THAP4: variants seen among roughly 807,000 people sequenced by gnomAD.
THAP4 encodes peroxynitrite isomerase THAP4.
THAP4 carries 18 observed loss-of-function variants against 48.1 expected under a neutral mutation model. That is an observed-to-expected ratio of 0.37 (90% CI 0.26 to 0.56). THAP4 has a LOEUF of 0.56. Ranked by LOEUF, THAP4 falls within the 20% of genes least tolerant of loss-of-function variation. The pLI is 0.78. For synonymous variants in THAP4, 345 were observed against 324.9 expected (o/e 1.06, Z -0.66); for missense variants, 656 against 774.9 (o/e 0.85, Z 1.82).
At chr2:241,609,850 C>T (rs1018930779) in intron 2 of THAP4, among the ~76,000 whole-genome samples, 1 of 152,084 alleles carries the variant, frequency 6.6e-6, no homozygotes, top group Admixed American at 6.5e-5. Context: ...CTGGCCTGTG[C>T]GGAGCACACC....
In THAP4 at chr2:241,633,269, A is replaced by G; in HGVS notation, c.888T>C (p.Pro296=). The part of the protein sequence containing the change: ...SSSLTATPQK[P]SQSPSAPPAD... The stretch of plus-strand genomic sequence containing the variant: ...CAGGAGGGGCAGAGGGGCTCTGGGA[A>G]GGCTTCTGCGGTGTCGCGGTAAGTG... The change falls in exon 2 of 6, where the codon CCT becomes CCC. Residue 296 remains proline, a synonymous_variant. Transcript: ENST00000407315. The surrounding 1 kb of genome is among the most constrained non-coding windows in gnomAD (Gnocchi z 7.5). 1 of 1,611,266 alleles carries G rather than the reference A, an allele frequency of 6.2e-7. No homozygotes were observed. The highest frequency in any genetic ancestry group is 1.1e-5 in the South Asian group (1 of 91,064).
upstream of THAP4, chr2:241,637,202 C>G (rs991800813): frequency 2.1e-5 from 21 of 989,426 alleles, no homozygotes; most frequent in Non-Finnish European, 2.4e-5. Flanking sequence ...GCCCCAGCCC[C>G]CGCCCGCGTC....
chr2:241,629,261 A>G (rs1171774312), intron 2 of THAP4, among the ~76,000 whole-genome samples: 1 of 152,078 alleles, frequency 6.6e-6, no homozygotes, highest in African/African-American at 2.4e-5. Context: ...CTTGAAGCCA[A>G]GGGTTCAAGA....
chr2:241,587,476 G>A (rs2066908017), intron 5 of THAP4, among the ~76,000 whole-genome samples: 2 of 152,130 alleles, frequency 1.3e-5, no homozygotes, highest in African/African-American at 4.8e-5. Flanking sequence ...CCATGACACT[G>A]GCATCCCAGG....
intron 2 of THAP4, among the ~76,000 whole-genome samples, chr2:241,627,630 C>G (rs1448305179): frequency 6.6e-6 from 1 of 152,186 alleles, no homozygotes; most frequent in African/African-American, 2.4e-5. Flanking sequence ...AAGTGTGCGG[C>G]GCTTTCCACA....
intron 5 of THAP4, among the ~76,000 whole-genome samples, chr2:241,587,841 C>T (rs2066911099): frequency 1.3e-5 from 2 of 151,556 alleles, no homozygotes; most frequent in Admixed American, 6.6e-5. Flanking sequence ...CTTGAACTGG[C>T]GAGGTGGGGG....
At chr2:241,597,998 A>C (rs545839830) in intron 5 of THAP4, among the ~76,000 whole-genome samples, 2 of 151,758 alleles carry the variant, frequency 1.3e-5, no homozygotes, top group South Asian at 4.2e-4. Context: ...AAAACAAAAA[A>C]CCCTGATAAA....
chr2:241,610,432 C>T lies in THAP4; in HGVS notation c.1241-3959G>A, dbSNP rs976261134. 2.0e-5 allele frequency among the ~76,000 whole-genome samples: 3 copies of T among 152,166 alleles called. No individual in the cohort carries two copies. Among genetic ancestry groups the T allele is most frequent in the Non-Finnish European group, 4.4e-5 (3 of 68,024 alleles). On this transcript the variant is annotated intron_variant, in intron 2 of 5. Transcript: ENST00000407315. This position sits in a 1 kb window ranked among gnomAD's most constrained non-coding sequence, Gnocchi z 4.2. Reference sequence around the variant, plus strand: ...AGGAGTCAGGGCGGAGGCTGGGCGGCGCTGGGCGGTGGGGCGCGCTCACTG... The same window carrying T: ...AGGAGTCAGGGCGGAGGCTGGGCGGTGCTGGGCGGTGGGGCGCGCTCACTG...
In THAP4 at chr2:241,602,058, T is replaced by C. The variant is rs577150751; in HGVS notation, c.1511-59A>G. The C allele has an allele frequency of 3.0e-4, 460 of 1,537,144 alleles. 3 individuals are homozygous for C. The East Asian group carries it at 9.2e-3, about 31-fold the overall frequency. Reference sequence around the variant, plus strand: ...CTGCTCGGCTTGCAGAGAGGCAGCCTTGACTCTCCTTGCCTGCAAGCCGGG... The same window carrying C: ...CTGCTCGGCTTGCAGAGAGGCAGCCCTGACTCTCCTTGCCTGCAAGCCGGG... On this transcript the variant is annotated intron_variant, in intron 4 of 5. Transcript: ENST00000407315.
At chr2:241,637,521 G>C (rs1297594452), upstream of THAP4, 1 of 1,437,732 alleles carries the variant, frequency 7.0e-7, no homozygotes, top group Non-Finnish European at 9.1e-7. Flanking sequence ...GCCGCCCGCA[G>C]GGCGCCCCGG....
rs1265311067 is a variant in THAP4 at position 241,612,555 on chromosome 2, G to A, written c.1241-6082C>T. Among the ~76,000 whole-genome samples the A allele has an allele frequency of 6.6e-6, 1 of 152,218 alleles. No homozygotes were observed. Among genetic ancestry groups the A allele is most frequent in the Non-Finnish European group, 1.5e-5 (1 of 68,038 alleles). On this transcript the variant is annotated intron_variant, in intron 2 of 5. Transcript: ENST00000407315. This position sits in a 1 kb window ranked among gnomAD's most constrained non-coding sequence, Gnocchi z 4.1. ...CCGTCAACCAATGAGTAAACAAACT[G>A]CAGTATATCCAGACAATGGAATGTT...
At chr2:241,620,948 C>T (rs758828771) in intron 2 of THAP4, among the ~76,000 whole-genome samples, 6 of 151,558 alleles carry the variant, frequency 4.0e-5, no homozygotes, top group African/African-American at 1.2e-4. Context: ...CCAAAAATAA[C>T]GAGACATGCT....
intron 2 of THAP4, among the ~76,000 whole-genome samples, chr2:241,627,893 T>C (rs1260554749): frequency 2.6e-5 from 4 of 152,102 alleles, no homozygotes. Flanking sequence ...ACCTGTCCCT[T>C]GCTCTCCAGA....
At chr2:241,624,945 G>A (rs2067479371) in intron 2 of THAP4, among the ~76,000 whole-genome samples, 1 of 152,152 alleles carries the variant, frequency 6.6e-6, no homozygotes, top group Non-Finnish European at 1.5e-5. Context: ...GGAGCTCTGG[G>A]CCATATTCTG....
chr2:241,603,337 T>C (rs910607582), intron 3 of THAP4, among the ~76,000 whole-genome samples: 2 of 149,000 alleles, frequency 1.3e-5, no homozygotes, highest in African/African-American at 4.9e-5. Context: ...ATTTTGGCTG[T>C]GTCTGTCTTG....
Position 241,616,351 on chromosome 2 carries a change from G to A in THAP4, c.1241-9878C>T, listed in dbSNP as rs2067347558. Among the ~76,000 whole-genome samples the A allele has an allele frequency of 6.6e-6, 1 of 152,198 alleles. No homozygotes were observed. Among genetic ancestry groups the A allele is most frequent in the Non-Finnish European group, 1.5e-5 (1 of 68,030 alleles). ...GTGAGAAGGGCGGGTGCAGGCGCAC[G>A]AGAGCTGAGGGCGAGCCCTGGCATC... On this transcript the variant is annotated intron_variant, in intron 2 of 5. Coordinates refer to ENST00000407315, the MANE Select transcript of THAP4 (RefSeq NM_015963.6). The surrounding 1 kb of genome is among the most constrained non-coding windows in gnomAD (Gnocchi z 4.6).
rs1342733462 is a variant in THAP4 at position 241,610,407 on chromosome 2, A to G, written c.1241-3934T>C. On this transcript the variant is annotated intron_variant, in intron 2 of 5. Coordinates refer to ENST00000407315, the MANE Select transcript of THAP4 (RefSeq NM_015963.6). The surrounding 1 kb of genome is among the most constrained non-coding windows in gnomAD (Gnocchi z 4.2). ...CCGCGCCCTGTTTGGGGAGCGGCAG[A>G]GGAGTCAGGGCGGAGGCTGGGCGGC... Among the ~76,000 whole-genome samples the G allele has an allele frequency of 6.6e-6, 1 of 152,164 alleles. No homozygotes were observed. The highest frequency in any genetic ancestry group is 1.5e-5 in the Non-Finnish European group (1 of 68,018).
rs928707805 is a variant in THAP4 at position 241,616,292 on chromosome 2, T to C, written c.1241-9819A>G. Among the ~76,000 whole-genome samples, 1 of 152,124 alleles carries C rather than the reference T, an allele frequency of 6.6e-6. No individual in the cohort carries two copies. The highest frequency in any genetic ancestry group is 2.4e-5 in the African/African-American group (1 of 41,418). ...GGCTGGAGATGGCCAGCAGCTGGCA[T>C]TGCTGGCAGCTTGGAAGGCGACCCG... is the stretch of plus-strand genomic sequence containing the variant. On this transcript the variant is annotated intron_variant, in intron 2 of 5. Coordinates refer to ENST00000407315, the MANE Select transcript of THAP4 (RefSeq NM_015963.6). The surrounding 1 kb of genome is among the most constrained non-coding windows in gnomAD (Gnocchi z 4.6).
intron 5 of THAP4, among the ~76,000 whole-genome samples, chr2:241,594,991 C>T (rs746215938): frequency 1.3e-5 from 2 of 152,102 alleles, no homozygotes; most frequent in Non-Finnish European, 2.9e-5. Context: ...ACACTGTGAG[C>T]GATCTGAATA....
Sources: allele counts gnomAD v4.1 joint callset (sites outside exome capture counted in the v4.1 genomes callset), GRCh38; gene constraint gnomAD v4.1.1; non-coding constraint Gnocchi (gnomAD v3.1); transcripts MANE v1.5; gene names NCBI Gene and HGNC (gene_info 2026-07-23, HGNC 2026-07-21).